Variants in PRKAG2 observed in about 807,000 individuals in gnomAD.
PRKAG2 encodes 5'-AMP-activated protein kinase subunit gamma-2.
PRKAG2 carries 26 observed loss-of-function variants against 69.6 expected under a neutral mutation model. The ratio of observed to expected loss-of-function variants is 0.37; its 90% confidence interval spans 0.27 to 0.52. The LOEUF (loss-of-function observed/expected upper bound fraction) is 0.52, where lower values mean the gene tolerates loss of function less well. PRKAG2 is among the 20% of genes least tolerant of loss of function. The pLI is 0.90. For missense variants in PRKAG2, 557 were observed against 740.0 expected (o/e 0.75, Z 2.87); for synonymous variants, 293 against 285.0 (o/e 1.03, Z -0.28).
intron 3 of PRKAG2, among the ~76,000 whole-genome samples, chr7:151,742,367 C>T (rs2073951649): frequency 6.6e-6 from 1 of 152,200 alleles, no homozygotes. Context: ...GTGGCTCACG[C>T]CTGTAATCCC....
chr7:151,623,526 C>T (rs541539511), intron 5 of PRKAG2, among the ~76,000 whole-genome samples: 1 of 152,250 alleles, frequency 6.6e-6, no homozygotes, highest in East Asian at 1.9e-4. Context: ...TCGCCTGCTG[C>T]TCACCTGCCG....
intron 5 of PRKAG2, among the ~76,000 whole-genome samples, chr7:151,629,778 T>C (rs1823936443): frequency 6.6e-6 from 1 of 152,220 alleles, no homozygotes; most frequent in Non-Finnish European, 1.5e-5. Flanking sequence ...CATCAATGCA[T>C]ACATGAAGAC....
At chr7:151,620,057 A>C (rs1403367979) in intron 5 of PRKAG2, among the ~76,000 whole-genome samples, 2 of 152,056 alleles carry the variant, frequency 1.3e-5, no homozygotes, top group Admixed American at 6.5e-5. Context: ...AAAATAAATA[A>C]ATAAATCAGA....
intron 5 of PRKAG2, among the ~76,000 whole-genome samples, chr7:151,626,605 A>G (rs1210592143): frequency 6.6e-6 from 1 of 152,158 alleles, no homozygotes; most frequent in Non-Finnish European, 1.5e-5. Flanking sequence ...TGCCACTTTG[A>G]TATCTCCACC....
chr7:151,724,131 G>C (rs968095533), intron 3 of PRKAG2, among the ~76,000 whole-genome samples: 2 of 152,152 alleles, frequency 1.3e-5, no homozygotes, highest in African/African-American at 2.4e-5. Flanking sequence ...CCTGGGTCCG[G>C]GGGGTGCTGG....
intron 1 of PRKAG2, among the ~76,000 whole-genome samples, chr7:151,830,118 G>GT (rs112012814): frequency 0.24 from 34,034 of 141,566 alleles, 4,638 homozygotes; most frequent in Middle Eastern, 0.31. Flanking sequence ...GTTCCACCTG[G>GT]TTTTTTTTTT....
In PRKAG2 at chr7:151,836,541, C is replaced by G. The variant is rs1262720790; in HGVS notation, c.114+39966G>C. On this transcript the variant is annotated intron_variant, in intron 1 of 15. Transcript: ENST00000287878. This position sits in a 1 kb window ranked among gnomAD's most constrained non-coding sequence, Gnocchi z 4.1. ...GGACCCATCGCTGGCTCCTCTGCCT[C>G]CAGGGGATCAGAACTTGCCCCCTTC... 6.6e-6 allele frequency among the ~76,000 whole-genome samples: 1 copy of G among 152,256 alleles called. No homozygotes were observed. Among genetic ancestry groups the G allele is most frequent in the East Asian group, 1.9e-4 (1 of 5,200 alleles).
At chr7:151,685,721 A>G (rs1283520195) in intron 3 of PRKAG2, among the ~76,000 whole-genome samples, 2 of 151,958 alleles carry the variant, frequency 1.3e-5, no homozygotes, top group African/African-American at 2.4e-5. Flanking sequence ...ATGAGCCACA[A>G]CTGCGCCGCT....
intron 5 of PRKAG2, among the ~76,000 whole-genome samples, chr7:151,629,049 G>A (rs1823736833): frequency 6.6e-6 from 1 of 152,156 alleles, no homozygotes; most frequent in Admixed American, 6.5e-5. Context: ...GCAGGGGGCT[G>A]GCACACTATG....
At chr7:151,710,146 C>A (rs1795047994) in intron 3 of PRKAG2, among the ~76,000 whole-genome samples, 1 of 152,170 alleles carries the variant, frequency 6.6e-6, no homozygotes, top group Non-Finnish European at 1.5e-5. Context: ...AGCCGCCTCT[C>A]CCCTGAGCTG....
At chr7:151,621,422 C>T (rs1821452024) in intron 5 of PRKAG2, among the ~76,000 whole-genome samples, 1 of 152,106 alleles carries the variant, frequency 6.6e-6, no homozygotes, top group Non-Finnish European at 1.5e-5. Context: ...ATAGCTCACG[C>T]CTGTAATCTC....
At chr7:151,782,593 C>T (rs961737755) in intron 2 of PRKAG2, among the ~76,000 whole-genome samples, 8 of 152,130 alleles carry the variant, frequency 5.3e-5, no homozygotes, top group African/African-American at 9.7e-5. Context: ...GTGCCCGCAG[C>T]CGTGTTCCTG....
chr7:151,669,301 T>G (rs985023597), intron 4 of PRKAG2, among the ~76,000 whole-genome samples: 34 of 152,318 alleles, frequency 2.2e-4, no homozygotes, highest in African/African-American at 8.2e-4. Context: ...AATCATCAAC[T>G]CACATTACAT....
At chr7:151,650,315 A>T (rs570991841) in intron 4 of PRKAG2, among the ~76,000 whole-genome samples, 8 of 151,676 alleles carry the variant, frequency 5.3e-5, no homozygotes, top group Middle Eastern at 3.4e-3. Flanking sequence ...AAAAAAAAAA[A>T]TTTAGAAGAA....
At chr7:151,608,067 G>A (rs532969941) in intron 5 of PRKAG2, among the ~76,000 whole-genome samples, 8 of 152,150 alleles carry the variant, frequency 5.3e-5, no homozygotes, top group Non-Finnish European at 8.8e-5. Flanking sequence ...GGAGGGCCAC[G>A]TGAAGACAGG....
chr7:151,805,310 G>A (rs1327274957), intron 1 of PRKAG2, among the ~76,000 whole-genome samples: 1 of 152,182 alleles, frequency 6.6e-6, no homozygotes, highest in Non-Finnish European at 1.5e-5. Context: ...TGCACGGATG[G>A]AGAAACAGCT....
intron 6 of PRKAG2, among the ~76,000 whole-genome samples, chr7:151,594,820 G>T (rs1468276847): frequency 6.6e-6 from 1 of 151,180 alleles, no homozygotes; most frequent in African/African-American, 2.4e-5. Flanking sequence ...TTTTTTTTGA[G>T]ATGGAGTCTC....
At chr7:151,859,694 G>T (rs1450933949) in intron 1 of PRKAG2, among the ~76,000 whole-genome samples, 1 of 152,176 alleles carries the variant, frequency 6.6e-6, no homozygotes, top group Non-Finnish European at 1.5e-5. Flanking sequence ...AAGCTGAGTG[G>T]CCTTGGATAC....
At chr7:151,701,782 G>A (rs1481189320) in intron 3 of PRKAG2, among the ~76,000 whole-genome samples, 1 of 150,618 alleles carries the variant, frequency 6.6e-6, no homozygotes, top group African/African-American at 2.5e-5. Context: ...AGCGGGGGTT[G>A]CAGTGAGCCG....
Sources: gnomAD v4.1 joint callset for allele counts (sites outside exome capture counted in the v4.1 genomes callset) on GRCh38, gnomAD v4.1.1 for gene constraint, Gnocchi (gnomAD v3.1) non-coding constraint, MANE v1.5 for transcripts, NCBI Gene and HGNC (gene_info 2026-07-23, HGNC 2026-07-21) for gene names.